Variants in VPS45 observed in about 807,000 individuals in gnomAD.
The protein encoded by VPS45 is vacuolar protein sorting-associated protein 45.
In VPS45, 35 loss-of-function variants were observed where a neutral mutation model predicts 75.9. The ratio of observed to expected loss-of-function variants is 0.46; its 90% CI spans 0.35 to 0.61. The LOEUF is 0.61. VPS45 is among the 20% of genes least tolerant of loss of function. The pLI is 0.00. For synonymous variants in VPS45, 220 were observed against 238.2 expected (o/e 0.92, Z 0.70); for missense variants, 559 against 685.9 (o/e 0.81, Z 2.07).
intron 3 of VPS45, among the ~76,000 whole-genome samples, chr1:150,074,937 GA>G (rs1655282841): frequency 7.3e-6 from 1 of 137,556 alleles, no homozygotes; most frequent in Admixed American, 7.5e-5. Flanking sequence ...GATTAAAAGT[GA>G]AAAATAATTA....
At position 150,145,021 on chromosome 1, in the gene VPS45, T is replaced by C; in HGVS notation, c.*225T>C. Reference sequence around the variant, plus strand: ...CCACTTTTCTCCGGTAGTCTTTATGTATCTGTTAGCACAATCACTTCAGTT... The same window carrying C: ...CCACTTTTCTCCGGTAGTCTTTATGCATCTGTTAGCACAATCACTTCAGTT... On this transcript the variant is annotated 3_prime_UTR_variant, in exon 15 of 15. Coordinates refer to ENST00000644510, the MANE Select transcript of VPS45 (RefSeq NM_007259.5). The C allele has an allele frequency of 1.7e-6, 2 of 1,161,022 alleles. No individual in the cohort carries two copies. Among genetic ancestry groups the C allele is most frequent in the Non-Finnish European group, 2.4e-6 (2 of 832,182 alleles). 71.9% of individuals were successfully genotyped at this position (1,161,022 alleles called of 1,614,324 possible).
intron 14 of VPS45, among the ~76,000 whole-genome samples, chr1:150,135,195 G>C (rs189249779): frequency 1.3e-5 from 2 of 151,962 alleles, no homozygotes; most frequent in Non-Finnish European, 2.9e-5. Context: ...AAATATGTTT[G>C]TGTCAAAATT....
intron 13 of VPS45, among the ~76,000 whole-genome samples, chr1:150,093,861 T>C (rs1391349945): frequency 6.6e-6 from 1 of 152,250 alleles, no homozygotes; most frequent in African/African-American, 2.4e-5. Context: ...AACAAGTGTT[T>C]TGGAGAGCCT....
At chr1:150,107,125 G>T (rs1571873841) in intron 13 of VPS45, among the ~76,000 whole-genome samples, 1 of 152,192 alleles carries the variant, frequency 6.6e-6, no homozygotes, top group East Asian at 1.9e-4. Flanking sequence ...CAAAAAATCT[G>T]TCTTTTGGTT....
intron 14 of VPS45, among the ~76,000 whole-genome samples, chr1:150,136,175 G>A (rs1659082006): frequency 6.8e-6 from 1 of 147,436 alleles, no homozygotes; most frequent in South Asian, 2.1e-4. Flanking sequence ...CTTGAACCTG[G>A]GAGGCAGGGA....
chr1:150,074,952 A>ATTTT (rs1185847959), intron 3 of VPS45, among the ~76,000 whole-genome samples: 1 of 88,150 alleles, frequency 1.1e-5, no homozygotes, highest in Non-Finnish European at 2.4e-5. Context: ...ATAATTATTT[A>ATTTT]TTCTTTTTTT....
chr1:150,067,919 G>T lies in VPS45; in HGVS notation c.62G>T (p.Gly21Val). Residue 21 changes from glycine to valine, a missense_variant, in exon 1 of 15, where the codon GGT (glycine) becomes GTT (valine). Physicochemically the swap from Gly to Val is moderately radical, Grantham distance 109. Coordinates refer to ENST00000644510, the MANE Select transcript of VPS45 (RefSeq NM_007259.5). ...ISKMIEDSGP[G>V]MKVLLMDKET... ...AAAATGATAGAGGACAGCGGGCCTG[G>T]TATGAAAGTACTTCTCATGGATAAA... 4 of 1,614,216 alleles carry T rather than the reference G, an allele frequency of 2.5e-6. No homozygotes were observed. Among genetic ancestry groups the T allele is most frequent in the Non-Finnish European group, 3.4e-6 (4 of 1,180,034 alleles).
intron 10 of VPS45, 28 bp downstream of exon 10, chr1:150,082,911 A>G (rs782544550): frequency 2.5e-6 from 4 of 1,605,250 alleles, no homozygotes; most frequent in South Asian, 2.2e-5. Context: ...AGCACCTACT[A>G]TGTGTAAGGC....
chr1:150,137,905 A>C (rs1399390789), intron 14 of VPS45, among the ~76,000 whole-genome samples: 1 of 100,822 alleles, frequency 9.9e-6, no homozygotes, highest in South Asian at 3.7e-4. Context: ...ACAGAGTGAG[A>C]CTCCGTCTCC....
chr1:150,106,926 G>C (rs797022824), intron 13 of VPS45, among the ~76,000 whole-genome samples: 2 of 151,980 alleles, frequency 1.3e-5, no homozygotes, highest in South Asian at 4.1e-4. Flanking sequence ...TAAATCCAGG[G>C]GACTCTCAAT....
At chr1:150,112,569 C>T (rs1553807370) in intron 14 of VPS45, among the ~76,000 whole-genome samples, 1 of 152,028 alleles carries the variant, frequency 6.6e-6, no homozygotes, top group African/African-American at 2.4e-5. Context: ...CCAAATACAC[C>T]ATGTCTTTCC....
rs587702790 is a variant in VPS45, at chr1:150,118,864, A to G, written c.1625+8237A>G. On this transcript the variant is annotated intron_variant, in intron 14 of 14. Coordinates refer to ENST00000644510, the MANE Select transcript of VPS45 (RefSeq NM_007259.5). ...ACATTTGAGCAGATATCTTAGCAAT[A>G]AAGATTCAATAAAATTTTGGACAGA... Among the ~76,000 whole-genome samples the G allele has an allele frequency of 5.3e-5, 8 of 152,358 alleles. No homozygotes were observed. The South Asian group carries it at 1.2e-3, about 24-fold the overall frequency.
At chr1:150,130,236 T>C (rs1258931446) in intron 14 of VPS45, among the ~76,000 whole-genome samples, 5 of 141,232 alleles carry the variant, frequency 3.5e-5, no homozygotes, top group South Asian at 2.3e-4. Flanking sequence ...AAGGCCTTGC[T>C]CTGTTGCCAG....
intron 14 of VPS45, among the ~76,000 whole-genome samples, chr1:150,143,548 A>G (rs1007427058): frequency 6.6e-6 from 1 of 150,736 alleles, no homozygotes; most frequent in Non-Finnish European, 1.5e-5. Context: ...AGATTGTGCC[A>G]TTGCACTCCA....
chr1:150,110,466 GT>G, intron 13 of VPS45, 29 bp from the exon 14 acceptor site: 1 of 1,566,980 alleles, frequency 6.4e-7, no homozygotes, highest in Non-Finnish European at 8.7e-7. Context: ...TTCTTATCCT[GT>G]GATAATATCT....
chr1:150,093,125 C>T (rs962609404), intron 12 of VPS45, among the ~76,000 whole-genome samples: 5 of 152,044 alleles, frequency 3.3e-5, no homozygotes, highest in East Asian at 1.9e-4. Context: ...GGATTACAGG[C>T]GTGAGCCACC....
intron 13 of VPS45, among the ~76,000 whole-genome samples, chr1:150,103,059 A>T (rs1309313498): frequency 7.3e-5 from 11 of 151,414 alleles, no homozygotes; most frequent in South Asian, 4.2e-4. Context: ...TATCCTATAT[A>T]TTTTTTTTTA....
At chr1:150,069,601 T>C (rs927624238) in intron 2 of VPS45, among the ~76,000 whole-genome samples, 2 of 133,902 alleles carry the variant, frequency 1.5e-5, no homozygotes, top group Admixed American at 8.0e-5. Context: ...GGACTACAGG[T>C]GCCCGCCACC....
At chr1:150,071,752 C>G (rs1312884295) in intron 2 of VPS45, among the ~76,000 whole-genome samples, 5 of 149,092 alleles carry the variant, frequency 3.4e-5, no homozygotes, top group African/African-American at 1.2e-4. Flanking sequence ...TGTGCCATTG[C>G]ACTCCAGCCT....
Sources: allele counts gnomAD v4.1 joint callset (sites outside exome capture counted in the v4.1 genomes callset), GRCh38; gene constraint gnomAD v4.1.1; transcripts MANE v1.5; gene names NCBI Gene and HGNC (gene_info 2026-07-23, HGNC 2026-07-21).